The following ZDHHC5 variants were observed in gnomAD, a reference collection of about 807,000 sequenced individuals.
The protein encoded by ZDHHC5 is zDHHC palmitoyltransferase 5, also known as palmitoyltransferase ZDHHC5.
Under a neutral mutation model 70.0 loss-of-function variants are expected in ZDHHC5, and 22 were observed. The ratio of observed to expected loss-of-function variants is 0.31; its 90% CI spans 0.22 to 0.45. The LOEUF (loss-of-function observed/expected upper bound fraction) is 0.45, where lower values mean the gene tolerates loss of function less well. Ranked by LOEUF, ZDHHC5 falls within the 20% of genes least tolerant of loss-of-function variation. ZDHHC5 has a pLI of 1.00. For missense variants in ZDHHC5, 746 were observed against 926.9 expected (o/e 0.80, Z 2.53); for synonymous variants, 313 against 347.8 (o/e 0.90, Z 1.11).
At chr11:57,678,555 A>G (rs1190934539) in intron 2 of ZDHHC5, among the ~76,000 whole-genome samples, 1 of 138,396 alleles carries the variant, frequency 7.2e-6, no homozygotes, top group East Asian at 2.2e-4. Flanking sequence ...TGGGTGACAG[A>G]GCAAAACTCT....
At chr11:57,682,233 A>G (rs1169290766) in intron 2 of ZDHHC5, among the ~76,000 whole-genome samples, 189 bp from the exon 3 acceptor site, 1 of 152,260 alleles carries the variant, frequency 6.6e-6, no homozygotes, top group African/African-American at 2.4e-5. Context: ...TTTTATCTAA[A>G]GTGAGCAGTT....
Position 57,689,728 on chromosome 11 carries a change from T to C in ZDHHC5, c.385-303T>C, listed in dbSNP as rs376465675. Among the ~76,000 whole-genome samples, 121 of 149,458 alleles carry C rather than the reference T, an allele frequency of 8.1e-4. 2 individuals carry two copies. In the East Asian group the frequency reaches 0.018, roughly 22 times the overall value. On this transcript the variant is annotated intron_variant, in intron 4 of 11. Coordinates refer to ENST00000287169, the MANE Select transcript of ZDHHC5 (RefSeq NM_015457.3). ...GATGGGGTCTTGCTATGTTGCCCAG[T>C]ACAGTGGCTATTCACAGGCAGTCAT...
chr11:57,693,611 C>T (rs1406966463), intron 7 of ZDHHC5, among the ~76,000 whole-genome samples, 172 bp from the exon 8 acceptor site: 1 of 152,232 alleles, frequency 6.6e-6, no homozygotes. Context: ...AGTCCTGCTG[C>T]AGTCCTTCAC....
chr11:57,685,837 G>C (rs1170977040), intron 3 of ZDHHC5, among the ~76,000 whole-genome samples: 1 of 152,018 alleles, frequency 6.6e-6, no homozygotes, highest in African/African-American at 2.4e-5. Context: ...AGACAAGCCT[G>C]ACCAACATGG....
In ZDHHC5 at chr11:57,698,952, C is replaced by G; in HGVS notation, c.1516C>G (p.Leu506Val). ...TACCTCTCCCTTCCTGTCAGCCAGG[C>G]TGGCCCAGCAACGGGAAGCTGAGAG... is the stretch of plus-strand genomic sequence containing the variant. Reference protein sequence around the residue: ...GYTSPFLSARLAQQREAERHP... With the variant: ...GYTSPFLSARVAQQREAERHP... Residue 506 changes from leucine (L) to valine (V), a missense_variant, in exon 11 of 12, where the codon CTG becomes GTG. Transcript: ENST00000287169. 3 of 1,613,560 alleles carry G rather than the reference C, an allele frequency of 1.9e-6. No individual in the cohort carries two copies. Among genetic ancestry groups the G allele is most frequent in the Non-Finnish European group, 2.5e-6 (3 of 1,179,978 alleles).
intron 2 of ZDHHC5, among the ~76,000 whole-genome samples, chr11:57,676,602 C>G (rs1172712097): frequency 2.0e-5 from 3 of 151,800 alleles, no homozygotes; most frequent in African/African-American, 7.3e-5. Context: ...TGACCTACAG[C>G]AGTTTGTTTA....
intron 3 of ZDHHC5, among the ~76,000 whole-genome samples, chr11:57,683,767 A>G (rs1313640968): frequency 6.6e-6 from 1 of 152,170 alleles, no homozygotes; most frequent in East Asian, 1.9e-4. Flanking sequence ...AGACCTGATC[A>G]GCACTGACAT....
rs201618402 is a variant in ZDHHC5, at chr11:57,688,176, TTATG to T, written c.227-326_227-323del. Among the ~76,000 whole-genome samples, 139 of 152,334 alleles carry T rather than the reference TTATG, an allele frequency of 9.1e-4. 1 individual carries two copies. In the East Asian group the frequency reaches 0.025, roughly 28 times the overall value. On this transcript the variant is annotated intron_variant, in intron 3 of 11. Coordinates refer to ENST00000287169, the MANE Select transcript of ZDHHC5 (RefSeq NM_015457.3). ...GATACTGAACTCTTATGCAAACTCATTATGTATGTGCTTTGATATGTAAACTATT... is the reference window on the plus strand; with the variant it reads ...GATACTGAACTCTTATGCAAACTCATTATGTGCTTTGATATGTAAACTATT...
At position 57,700,245 on chromosome 11, in the gene ZDHHC5, T is replaced by G; in HGVS notation, c.*214T>G. The G allele has an allele frequency of 2.1e-6, 1 of 474,810 alleles. No homozygotes were observed. The highest frequency in any genetic ancestry group is 3.6e-6 in the Non-Finnish European group (1 of 280,832). 29.4% of individuals were successfully genotyped at this position (474,810 alleles called of 1,614,324 possible). Reference sequence around the variant, plus strand: ...TGGGGTAGCAACCCCCCCTTTTATCTTTTAAGACCTTCCCTTCCTTGATCC... The same window carrying G: ...TGGGGTAGCAACCCCCCCTTTTATCGTTTAAGACCTTCCCTTCCTTGATCC... On this transcript the variant is annotated 3_prime_UTR_variant, in exon 12 of 12. Transcript: ENST00000287169.
rs1946386906 is a variant in ZDHHC5 at position 57,698,542 on chromosome 11, T to C, written c.1123-17T>C. On this transcript the variant is annotated splice_polypyrimidine_tract_variant and intron_variant, in intron 10 of 11. Coordinates refer to ENST00000287169, the MANE Select transcript of ZDHHC5 (RefSeq NM_015457.3). ...CACAAAAGGAGCACTAAGAGCCTGC[T>C]TTACTTTCTTCCTCAGTTGAGTCGT... 1.3e-6 allele frequency: 2 copies of C among 1,575,970 alleles called. No homozygotes were observed. The highest frequency in any genetic ancestry group is 1.7e-6 in the Non-Finnish European group (2 of 1,163,152).
chr11:57,684,137 T>C (rs1016461583), intron 3 of ZDHHC5, among the ~76,000 whole-genome samples: 3 of 151,878 alleles, frequency 2.0e-5, no homozygotes, highest in Non-Finnish European at 4.4e-5. Context: ...CACACACAGC[T>C]AATTTTTCTA....
At chr11:57,684,064 C>T (rs559999698) in intron 3 of ZDHHC5, among the ~76,000 whole-genome samples, 1 of 136,250 alleles carries the variant, frequency 7.3e-6, no homozygotes, top group Non-Finnish European at 1.6e-5. Context: ...CTTGACCCCC[C>T]CCTGGCTCAG....
intron 8 of ZDHHC5, 80 bp downstream of exon 8, chr11:57,693,995 C>CTT: frequency 7.1e-7 from 1 of 1,401,342 alleles, no homozygotes. Context: ...CTTTAGTTTC[C>CTT]TTTGTGTTTT....
intron 3 of ZDHHC5, among the ~76,000 whole-genome samples, chr11:57,686,755 A>G (rs942322681): frequency 6.6e-6 from 1 of 152,184 alleles, no homozygotes; most frequent in Non-Finnish European, 1.5e-5. Context: ...TATCCTTGCA[A>G]TATTTTGAAG....
chr11:57,679,572 C>T (rs1217743218), intron 2 of ZDHHC5, among the ~76,000 whole-genome samples: 1 of 152,170 alleles, frequency 6.6e-6, no homozygotes, highest in East Asian at 1.9e-4. Context: ...AATGAGTCAG[C>T]CAGCCTTCTG....
At position 57,672,327 on chromosome 11, in the gene ZDHHC5, G is replaced by A. The variant is rs1025403505; in HGVS notation, c.-764G>A. ...CAGAGAAGCTTGCCCTGTTTTCCTT[G>A]CCCCTTCAAAGAAAAGGATTTACAG... On this transcript the variant is annotated 5_prime_UTR_variant, in exon 2 of 12. Transcript: ENST00000287169. 2 of 397,796 alleles carry A rather than the reference G, an allele frequency of 5.0e-6. No homozygotes were observed. The highest frequency in any genetic ancestry group is 8.9e-6 in the Non-Finnish European group (2 of 225,882). The allele number at this position is 397,796 out of a possible 1,614,324, so 24.6% of individuals were successfully genotyped here.
rs958817753 is a variant in ZDHHC5, at chr11:57,701,147, T to C, written c.*1116T>C. ...TATTTTTTATTCTGATTAGCCATTT[T>C]AAACCAACGAGGAATAAAAAGAAAT... On this transcript the variant is annotated 3_prime_UTR_variant, in exon 12 of 12. Transcript: ENST00000287169. 3 of 152,610 alleles carry C rather than the reference T, an allele frequency of 2.0e-5. No homozygotes were observed. Among genetic ancestry groups the C allele is most frequent in the African/African-American group, 7.2e-5 (3 of 41,446 alleles). The allele number at this position is 152,610 out of a possible 1,614,324, so 9.5% of individuals were successfully genotyped here.
At chr11:57,688,793 C>T in intron 4 of ZDHHC5, 128 bp downstream of exon 4, 1 of 1,019,932 alleles carries the variant, frequency 9.8e-7, no homozygotes. Context: ...TGGTCCAGCT[C>T]TGTCAAATGG....
At chr11:57,675,125 A>G (rs979927831) in intron 2 of ZDHHC5, among the ~76,000 whole-genome samples, 3 of 152,194 alleles carry the variant, frequency 2.0e-5, no homozygotes, top group Admixed American at 2.0e-4. Flanking sequence ...ATTATATCTT[A>G]GTATCCTGTA....
Sources: gnomAD v4.1 joint callset for allele counts (sites outside exome capture counted in the v4.1 genomes callset) on GRCh38, gnomAD v4.1.1 for gene constraint, MANE v1.5 for transcripts, NCBI Gene and HGNC (gene_info 2026-07-23, HGNC 2026-07-21) for gene names.